Variants in HPRT1 observed in about 807,000 individuals in gnomAD.
The protein encoded by HPRT1 is hypoxanthine-guanine phosphoribosyltransferase.
Under a neutral mutation model 19.0 loss-of-function variants are expected in HPRT1, and 4 were observed. The ratio of observed to expected loss-of-function variants is 0.21; its 90% CI spans 0.10 to 0.48. The LOEUF is 0.48. Among genes scored for constraint, HPRT1 ranks in the 20% least tolerant of loss-of-function variants. The pLI is 0.98. For missense variants in HPRT1, 65 were observed against 164.0 expected (o/e 0.40, Z 3.30); for synonymous variants, 53 against 54.9 (o/e 0.97, Z 0.15).
At chrX:134,465,481 TAAA>T (rs779676418) in intron 1 of HPRT1, among the ~76,000 whole-genome samples, 1 of 111,708 alleles carries the variant, frequency 9.0e-6, no homozygotes. Flanking sequence ...TTTTAAAAAT[TAAA>T]AAAAATTATA....
intron 3 of HPRT1, among the ~76,000 whole-genome samples, chrX:134,482,538 G>A (rs73557320): frequency 0.014 from 1,591 of 111,667 alleles, 29 homozygotes; most frequent in African/African-American, 0.049. Flanking sequence ...GCTTTTGAGC[G>A]CTTGACACAT....
At chrX:134,481,503 A>C (rs867885966) in intron 3 of HPRT1, among the ~76,000 whole-genome samples, 1 of 85,303 alleles carries the variant, frequency 1.2e-5, no homozygotes, top group African/African-American at 4.5e-5. Flanking sequence ...CTATCTGTCT[A>C]TCTCTATCTA....
chrX:134,468,462 A>G, intron 1 of HPRT1, among the ~76,000 whole-genome samples: 1 of 109,990 alleles, frequency 9.1e-6, no homozygotes, highest in East Asian at 2.9e-4. Flanking sequence ...AAAAAATACA[A>G]AAGAATTAAC....
chrX:134,499,631 C>T (rs1472792990), intron 8 of HPRT1, among the ~76,000 whole-genome samples: 4 of 110,429 alleles, frequency 3.6e-5, no homozygotes, highest in Admixed American at 9.6e-5. Context: ...GGTGAAACCC[C>T]GTCTCTACTA....
intron 8 of HPRT1, among the ~76,000 whole-genome samples, chrX:134,499,627 AC>A (rs896233665): frequency 1.8e-5 from 2 of 110,354 alleles, no homozygotes; most frequent in African/African-American, 3.3e-5. Context: ...ACACGGTGAA[AC>A]CCCGTCTCTA....
intron 6 of HPRT1, among the ~76,000 whole-genome samples, chrX:134,496,677 C>T (rs910861252): frequency 8.9e-6 from 1 of 111,913 alleles, no homozygotes; most frequent in Non-Finnish European, 1.9e-5. Flanking sequence ...TTAGATGATC[C>T]CTTGGAGTCT....
At chrX:134,487,795 T>C (rs1451961390) in intron 4 of HPRT1, among the ~76,000 whole-genome samples, 2 of 112,152 alleles carry the variant, frequency 1.8e-5, no homozygotes, top group Non-Finnish European at 3.8e-5. Context: ...CTCCTGTTCA[T>C]TTCATATACC....
chrX:134,478,012 G>T (rs1292064991), intron 3 of HPRT1, among the ~76,000 whole-genome samples: 1 of 112,001 alleles, frequency 8.9e-6, no homozygotes, highest in African/African-American at 3.2e-5. Flanking sequence ...TAATTCAGCA[G>T]CTTGTCATGT....
intron 4 of HPRT1, among the ~76,000 whole-genome samples, chrX:134,489,493 G>C (rs987502317): frequency 9.0e-6 from 1 of 111,453 alleles, no homozygotes; most frequent in African/African-American, 3.3e-5. Flanking sequence ...GAATCTTCTT[G>C]TGGCAGTGTT....
chrX:134,480,434 C>A (rs2077636221), intron 3 of HPRT1, among the ~76,000 whole-genome samples: 1 of 99,244 alleles, frequency 1.0e-5, no homozygotes. Flanking sequence ...AACTATAACT[C>A]TTTATCTTTA....
At chrX:134,490,156 TG>T in intron 4 of HPRT1, 31 bp from the exon 5 acceptor site, 1 of 962,620 alleles carries the variant, frequency 1.0e-6, no homozygotes, top group Non-Finnish European at 1.5e-6. Context: ...TTTTATTCAT[TG>T]TACTGATTTT....
rs191840301 is a variant in HPRT1, at chrX:134,498,859, A to G, written c.609+175A>G. 8.3e-4 allele frequency among the ~76,000 whole-genome samples: 94 copies of G among 112,712 alleles called. No individual in the cohort carries two copies. In the Middle Eastern group the frequency reaches 0.023, roughly 28 times the overall value. On this transcript the variant is annotated intron_variant, in intron 8 of 8. Transcript: ENST00000298556. ...CTTAGAACTGGAACCTGGCCAGGCT[A>G]GGGTGACACTTCTTGTTGGCTGAAA...
chrX:134,498,297 T>G, intron 6 of HPRT1, 93 bp from the exon 7 acceptor site: 1 of 717,317 alleles, frequency 1.4e-6, no homozygotes, highest in Non-Finnish European at 2.2e-6. Context: ...TCAGCACGGA[T>G]GAAATGAAAC....
intron 3 of HPRT1, among the ~76,000 whole-genome samples, chrX:134,477,367 T>A (rs1434068864): frequency 9.1e-6 from 1 of 110,490 alleles, no homozygotes; most frequent in African/African-American, 3.3e-5. Context: ...GGCCGACATG[T>A]TAATTTTTTA....
intron 1 of HPRT1, among the ~76,000 whole-genome samples, chrX:134,469,934 A>G (rs1240727872): frequency 8.9e-6 from 1 of 112,580 alleles, no homozygotes; most frequent in African/African-American, 3.2e-5. Flanking sequence ...AATTTATAAA[A>G]TACTTAGTTG....
At chrX:134,479,693 C>T (rs746540408) in intron 3 of HPRT1, among the ~76,000 whole-genome samples, 2 of 111,139 alleles carry the variant, frequency 1.8e-5, no homozygotes, top group Non-Finnish European at 3.8e-5. Context: ...ACTGCAACCT[C>T]TGCGTGGGCT....
intron 6 of HPRT1, among the ~76,000 whole-genome samples, chrX:134,494,203 G>A (rs2077674771): frequency 8.9e-6 from 1 of 112,226 alleles, no homozygotes; most frequent in Non-Finnish European, 1.9e-5. Context: ...GAGCTAGTCC[G>A]CTATAGAGAT....
At chrX:134,479,913 T>TTTTTTA (rs1375977010) in intron 3 of HPRT1, among the ~76,000 whole-genome samples, 23 of 111,066 alleles carry the variant, frequency 2.1e-4, no homozygotes, top group African/African-American at 6.9e-4. Context: ...GTCTAGTGAT[T>TTTTTTA]TTTTTATTTT....
At chrX:134,469,809 C>G (rs1469714788) in intron 1 of HPRT1, among the ~76,000 whole-genome samples, 1 of 111,884 alleles carries the variant, frequency 8.9e-6, no homozygotes, top group Middle Eastern at 4.3e-3. Context: ...TCATTCTTGT[C>G]AAGTGATAAC....
Sources: gnomAD v4.1 joint callset for allele counts (sites outside exome capture counted in the v4.1 genomes callset) on GRCh38, gnomAD v4.1.1 for gene constraint, MANE v1.5 for transcripts, NCBI Gene and HGNC (gene_info 2026-07-23, HGNC 2026-07-21) for gene names.